ITGB6: variants seen among roughly 807,000 people sequenced by gnomAD.
ITGB6 encodes the protein integrin beta-6.
ITGB6 carries 80 observed loss-of-function variants against 84.5 expected under a neutral mutation model. The ratio of observed to expected loss-of-function variants is 0.95; its 90% CI spans 0.79 to 1.14. The LOEUF is 1.14. ITGB6 is among the 50% of genes most tolerant of loss of function. The pLI, the probability that ITGB6 is intolerant of heterozygous loss-of-function variation, is 0.00. For missense variants in ITGB6, 1,006 were observed against 968.0 expected (o/e 1.04, Z -0.52); for synonymous variants, 383 against 354.9 (o/e 1.08, Z -0.89).
chr2:160,131,511 T>C (rs1054639802), intron 10 of ITGB6, among the ~76,000 whole-genome samples: 1 of 152,174 alleles, frequency 6.6e-6, no homozygotes, highest in Non-Finnish European at 1.5e-5. Context: ...AGAGTGTCTA[T>C]TCCAATGCCA....
chr2:160,145,842 C>G (rs1490627731), intron 7 of ITGB6, among the ~76,000 whole-genome samples: 2 of 152,184 alleles, frequency 1.3e-5, no homozygotes, highest in Non-Finnish European at 2.9e-5. Context: ...TTCTGACCTG[C>G]AGAAGGGGCA....
At chr2:160,114,323 G>T (rs1253819364) in intron 12 of ITGB6, among the ~76,000 whole-genome samples, 2 of 152,174 alleles carry the variant, frequency 1.3e-5, no homozygotes, top group African/African-American at 4.8e-5. Context: ...AATTTCTTCT[G>T]TTGTTCATAG....
chr2:160,112,187 T>C lies in ITGB6; in HGVS notation c.1994A>G (p.Asp665Gly), dbSNP rs1435834258. 4 of 1,611,528 alleles carry C rather than the reference T, an allele frequency of 2.5e-6. No individual in the cohort carries two copies. The highest frequency in any genetic ancestry group is 3.4e-6 in the Non-Finnish European group (4 of 1,178,898). The part of the protein sequence containing the change: ...TISEEEDFSK[D>G]GSVSCSLQGE... ...TTGCAGAGAGCAGGAAACAGAACCATCCTTTGAGAAATCTGCAGATAAAGG... is the reference window on the plus strand; with the variant it reads ...TTGCAGAGAGCAGGAAACAGAACCACCCTTTGAGAAATCTGCAGATAAAGG... The change falls in exon 13 of 15, where the codon GAT becomes GGT. Residue 665 changes from aspartate (D) to glycine (G), a missense_variant. Coordinates refer to ENST00000283249, the MANE Select transcript of ITGB6 (RefSeq NM_000888.5).
chr2:160,189,059 A>G (rs1299275473), intron 4 of ITGB6, among the ~76,000 whole-genome samples: 4 of 152,142 alleles, frequency 2.6e-5, no homozygotes, highest in Non-Finnish European at 5.9e-5. Context: ...CATATCTACA[A>G]CTATCTGATC....
chr2:160,156,802 A>G (rs1684639242), intron 7 of ITGB6, among the ~76,000 whole-genome samples: 1 of 152,070 alleles, frequency 6.6e-6, no homozygotes, highest in African/African-American at 2.4e-5. Flanking sequence ...CTCTTTCCTT[A>G]TATTCTCTTT....
chr2:160,156,576 C>A (rs551534424), intron 7 of ITGB6, among the ~76,000 whole-genome samples: 2 of 152,062 alleles, frequency 1.3e-5, no homozygotes, highest in East Asian at 3.9e-4. Context: ...TAAAGGTACC[C>A]AAAACCTGCC....
intron 4 of ITGB6, among the ~76,000 whole-genome samples, chr2:160,192,847 A>G (rs1686194703): frequency 1.3e-5 from 2 of 152,120 alleles, no homozygotes; most frequent in African/African-American, 2.4e-5. Flanking sequence ...AGAAACCACA[A>G]AATAAGAAAT....
chr2:160,151,268 A>G (rs1684405135), intron 7 of ITGB6, among the ~76,000 whole-genome samples: 1 of 152,242 alleles, frequency 6.6e-6, no homozygotes, highest in South Asian at 2.1e-4. Flanking sequence ...GTGCAATAAA[A>G]TTAGAACTCA....
At chr2:160,132,612 A>C (rs1244697727) in intron 10 of ITGB6, among the ~76,000 whole-genome samples, 6 of 152,162 alleles carry the variant, frequency 3.9e-5, no homozygotes, top group African/African-American at 9.6e-5. Context: ...AGAGATATTG[A>C]AGCTTAAATT....
chr2:160,168,879 T>G (rs1363710106), intron 7 of ITGB6, among the ~76,000 whole-genome samples: 1 of 152,208 alleles, frequency 6.6e-6, no homozygotes, highest in Non-Finnish European at 1.5e-5. Flanking sequence ...AACTCCCTCA[T>G]TAGATGAAAT....
At chr2:160,173,271 T>C (rs1685288877) in intron 5 of ITGB6, among the ~76,000 whole-genome samples, 1 of 152,192 alleles carries the variant, frequency 6.6e-6, no homozygotes, top group African/African-American at 2.4e-5. Flanking sequence ...TTAATTAAAA[T>C]TGTCTGTTGT....
intron 12 of ITGB6, among the ~76,000 whole-genome samples, chr2:160,114,716 G>A (rs1302250651): frequency 3.3e-5 from 5 of 152,302 alleles, no homozygotes; most frequent in African/African-American, 7.2e-5. Context: ...TGCCTCACTC[G>A]GGAAGCACAA....
chr2:160,170,353 T>C (rs1685154632), intron 6 of ITGB6, among the ~76,000 whole-genome samples: 1 of 152,222 alleles, frequency 6.6e-6, no homozygotes, highest in African/African-American at 2.4e-5. Context: ...CAACTGCAAA[T>C]GGCTATGTCA....
At chr2:160,151,507 TCA>T (rs1169585480) in intron 7 of ITGB6, among the ~76,000 whole-genome samples, 2 of 152,050 alleles carry the variant, frequency 1.3e-5, no homozygotes, top group African/African-American at 4.8e-5. Flanking sequence ...AGATCTAAAA[TCA>T]ACACCCTAAC....
At chr2:160,127,078 G>C (rs989345060) in intron 10 of ITGB6, among the ~76,000 whole-genome samples, 4 of 152,132 alleles carry the variant, frequency 2.6e-5, no homozygotes, top group Non-Finnish European at 4.4e-5. Context: ...GTAGCAATAA[G>C]ATACCAACAT....
At chr2:160,130,357 C>T (rs908767515) in intron 10 of ITGB6, among the ~76,000 whole-genome samples, 25 of 151,996 alleles carry the variant, frequency 1.6e-4, no homozygotes, top group African/African-American at 5.6e-4. Flanking sequence ...TCTATATATA[C>T]ACATACACAC....
In ITGB6 at chr2:160,172,717, CA is replaced by C. The variant is rs1685260914; in HGVS notation, c.772del (p.Trp258GlyfsTer12). On this transcript the variant is annotated frameshift_variant, in exon 6 of 15. Transcript: ENST00000283249. LOFTEE classifies it high-confidence loss of function. Reference sequence around the variant, plus strand: ...CAGGAGGTGGAGGGAGTCATTCCGCCAGCCAATTTTTTCCTACAGTGAGAAA... The same window carrying C: ...CAGGAGGTGGAGGGAGTCATTCCGCCGCCAATTTTTTCCTACAGTGAGAAA... ...QAAVCKEKIGWRNDSLHLLVF... is the reference protein window; with the variant it reads ...QAAVCKEKIGXRNDSLHLLVF... 5 of 1,593,502 alleles carry C rather than the reference CA, an allele frequency of 3.1e-6. No individual in the cohort carries two copies. Among genetic ancestry groups the C allele is most frequent in the Non-Finnish European group, 4.3e-6 (5 of 1,162,752 alleles).
chr2:160,196,294 G>A lies in ITGB6; in HGVS notation c.268C>T (p.Leu90Phe), dbSNP rs770981055. The A allele has an allele frequency of 1.9e-6, 3 of 1,614,044 alleles. No individual in the cohort carries two copies. Among genetic ancestry groups the A allele is most frequent in the Non-Finnish European group, 2.5e-6 (3 of 1,179,960 alleles). Residue 90 changes from leucine (L) to phenylalanine (F), a missense_variant, in exon 3 of 15, where the codon CTC becomes TTC. Coordinates refer to ENST00000283249, the MANE Select transcript of ITGB6 (RefSeq NM_000888.5). ...CTATTTTTCTGTCTGCCTACACTGA[G>A]AGGCTTATTTTTAAGTATTTCTACT... The part of the protein sequence containing the change: ...SQVEILKNKP[L>F]SVGRQKNSSD...
At chr2:160,138,041 A>T (rs756881055) in intron 9 of ITGB6, 24 bp downstream of exon 9, 9 of 1,599,106 alleles carry the variant, frequency 5.6e-6, no homozygotes, top group Non-Finnish European at 7.7e-6. Context: ...ATTTATTCAG[A>T]CTATCTACTG....
Sources: gnomAD v4.1 joint callset for allele counts (sites outside exome capture counted in the v4.1 genomes callset) on GRCh38, gnomAD v4.1.1 for gene constraint, MANE v1.5 for transcripts, NCBI Gene and HGNC (gene_info 2026-07-23, HGNC 2026-07-21) for gene names.